The following CKAP5 variants were observed in gnomAD, a reference collection of about 807,000 sequenced individuals.
CKAP5 encodes the protein cytoskeleton-associated protein 5.
A neutral mutation model predicts 232.8 loss-of-function variants in CKAP5; 27 were observed. The observed-to-expected ratio is 0.12, with a 90% CI of 0.09 to 0.16. The LOEUF is 0.16. Ranked by LOEUF, CKAP5 falls within the 10% of genes least tolerant of loss-of-function variation. The pLI, the probability that CKAP5 is intolerant of heterozygous loss-of-function variation, is 1.00. For synonymous variants in CKAP5, 785 were observed against 841.1 expected, an observed-to-expected ratio of 0.93 and a Z score of 1.16; for missense variants, 1,838 against 2,424.7, an observed-to-expected ratio of 0.76 and a Z score of 5.08.
chr11:46,748,291 A>T (rs757034178), intron 42 of CKAP5, among the ~76,000 whole-genome samples: 2 of 152,196 alleles, frequency 1.3e-5, no homozygotes, highest in African/African-American at 2.4e-5. Context: ...GGAAGATAGT[A>T]CAGTAATACA....
At chr11:46,771,037 T>TGA in intron 24 of CKAP5, 55 bp from the exon 25 acceptor site, 1 of 1,472,778 alleles carries the variant, frequency 6.8e-7, no homozygotes, top group Non-Finnish European at 9.3e-7. Context: ...TGTTATCATT[T>TGA]ATGATCTCAG....
intron 42 of CKAP5, among the ~76,000 whole-genome samples, chr11:46,745,528 T>C (rs183790412): frequency 8.5e-5 from 13 of 152,306 alleles, no homozygotes; most frequent in Admixed American, 7.2e-4. Flanking sequence ...AAAAAGGGCT[T>C]TGGAAACAAG....
intron 1 of CKAP5, among the ~76,000 whole-genome samples, chr11:46,832,570 C>T (rs1202508538): frequency 2.6e-5 from 4 of 152,312 alleles, no homozygotes; most frequent in Non-Finnish European, 5.9e-5. Flanking sequence ...ATACCATCTT[C>T]ATGTTGCTCC....
chr11:46,776,191 A>G (rs751343301), intron 24 of CKAP5, 64 bp downstream of exon 24: 22 of 1,392,444 alleles, frequency 1.6e-5, no homozygotes, highest in Non-Finnish European at 2.2e-5. Flanking sequence ...TTTATCAGAC[A>G]GGCCCAAGCC....
chr11:46,786,967 A>G (rs778868870), intron 16 of CKAP5, among the ~76,000 whole-genome samples: 1 of 152,092 alleles, frequency 6.6e-6, no homozygotes, highest in Non-Finnish European at 1.5e-5. Context: ...CAAAATCACA[A>G]TGAGATTACA....
chr11:46,788,064 T>C (rs1318643582), intron 16 of CKAP5, among the ~76,000 whole-genome samples: 2 of 152,228 alleles, frequency 1.3e-5, no homozygotes, highest in East Asian at 1.9e-4. Flanking sequence ...AAGAATACAA[T>C]ATACAATACA....
intron 8 of CKAP5, among the ~76,000 whole-genome samples, chr11:46,805,757 G>A (rs570900840): frequency 6.6e-6 from 1 of 152,294 alleles, no homozygotes; most frequent in South Asian, 2.1e-4. Flanking sequence ...CCAACATGGT[G>A]AAACCCCGTC....
intron 1 of CKAP5, among the ~76,000 whole-genome samples, chr11:46,830,420 A>G (rs916392068): frequency 1.9e-4 from 28 of 143,944 alleles, no homozygotes; most frequent in Admixed American, 8.0e-4. Flanking sequence ...CAGCCTGGGC[A>G]ACAGAGCAAG....
At position 46,818,396 on chromosome 11, in the gene CKAP5, T is replaced by C; in HGVS notation, c.165A>G (p.Lys55=). Residue 55 remains lysine, a synonymous_variant, in exon 3 of 44, where the codon AAA becomes AAG. Coordinates refer to ENST00000529230, the MANE Select transcript of CKAP5 (RefSeq NM_001008938.4). ...EWSKFLGLIK[K]FVTDSNAVVQ... The stretch of plus-strand genomic sequence containing the variant: ...CCACTGCATTGGAATCAGTGACAAA[T>C]TTTTTGATCAATCCTAAAAATTTGG... 1 of 1,611,892 alleles carries C rather than the reference T, an allele frequency of 6.2e-7. No individual in the cohort carries two copies. Among genetic ancestry groups the C allele is most frequent in the Non-Finnish European group, 8.5e-7 (1 of 1,179,170 alleles).
rs748720496 is a variant in CKAP5 at position 46,751,550 on chromosome 11, TAA to T, written c.5134-18_5134-17del. On this transcript the variant is annotated splice_polypyrimidine_tract_variant and intron_variant, in intron 38 of 43. Transcript: ENST00000529230. ...TCCAGAGACACTATTGAAAAAAGAA[TAA>T]AAGAGTTAGGAGTGACTGAAGAATG... is the stretch of plus-strand genomic sequence containing the variant. The T allele has an allele frequency of 2.5e-6, 4 of 1,591,598 alleles. No individual in the cohort carries two copies. The highest frequency in any genetic ancestry group is 2.2e-5 in the East Asian group (1 of 44,710).
chr11:46,831,456 A>G (rs1335834026), intron 1 of CKAP5, among the ~76,000 whole-genome samples: 1 of 152,208 alleles, frequency 6.6e-6, no homozygotes, highest in East Asian at 1.9e-4. Flanking sequence ...TCATTATCCC[A>G]GCATTGCATA....
chr11:46,759,017 T>C lies in CKAP5; in HGVS notation c.4595A>G (p.Asp1532Gly). The C allele has an allele frequency of 1.2e-6, 2 of 1,613,294 alleles. No homozygotes were observed. Among genetic ancestry groups the C allele is most frequent in the Non-Finnish European group, 8.5e-7 (1 of 1,179,904 alleles). ...PKIRAVSPHF[D>G]DMHSNTASTI... ...GGATGCTGTATTACTGTGCATGTCA[T>C]CGAAGTGTGGAGAAACAGCCCGGAT... is the stretch of plus-strand genomic sequence containing the variant. The change falls in exon 35 of 44, where the codon GAT becomes GGT. Residue 1532 changes from aspartate (D) to glycine (G), a missense_variant. Coordinates refer to ENST00000529230, the MANE Select transcript of CKAP5 (RefSeq NM_001008938.4).
At chr11:46,779,694 A>C (rs1324048411) in intron 20 of CKAP5, among the ~76,000 whole-genome samples, 3 of 151,960 alleles carry the variant, frequency 2.0e-5, no homozygotes, top group Non-Finnish European at 4.4e-5. Context: ...AACATGGCTC[A>C]CTGGAGCCTC....
At chr11:46,771,118 A>G in intron 24 of CKAP5, 136 bp from the exon 25 acceptor site, 1 of 638,346 alleles carries the variant, frequency 1.6e-6, no homozygotes. Context: ...TGAAATCAGT[A>G]CTTTTCATAA....
At position 46,753,917 on chromosome 11, in the gene CKAP5, T is replaced by C. The variant is rs530657608; in HGVS notation, c.4870-420A>G. On this transcript the variant is annotated intron_variant, in intron 36 of 43. Transcript: ENST00000529230. ...ATGTTATATTTGTAAAAATTCAGAG[T>C]ATTAAAGAAAAAACAAAATCACCAC... is the stretch of plus-strand genomic sequence containing the variant. 3.3e-5 allele frequency among the ~76,000 whole-genome samples: 5 copies of C among 151,460 alleles called. No individual in the cohort carries two copies. In the East Asian group the frequency reaches 9.8e-4, roughly 30 times the overall value.
intron 15 of CKAP5, among the ~76,000 whole-genome samples, chr11:46,789,067 T>C (rs1407337696): frequency 6.6e-6 from 1 of 152,210 alleles, no homozygotes; most frequent in East Asian, 1.9e-4. Context: ...CCATGCAAAA[T>C]AATAGTTTTC....
chr11:46,794,652 A>AC (rs1250200093), intron 13 of CKAP5, among the ~76,000 whole-genome samples: 1 of 152,024 alleles, frequency 6.6e-6, no homozygotes, highest in Non-Finnish European at 1.5e-5. Flanking sequence ...AGCTTGGGCA[A>AC]CACAGCGAGG....
Position 46,809,423 on chromosome 11 carries a change from G to A in CKAP5, c.841C>T (p.Pro281Ser). The change falls in exon 7 of 44, where the codon CCC becomes TCC. Residue 281 changes from proline to serine, a missense_variant. Transcript: ENST00000529230. ...ACAATTTTGTCATAAAAGTCTTTGG[G>A]AAGTTTGGAAAGGATTTCTACAGCT... is the stretch of plus-strand genomic sequence containing the variant. ...LEAVEILSKL[P>S]KDFYDKIEAK... 6.2e-7 allele frequency: 1 copy of A among 1,609,114 alleles called. No homozygotes were observed. The highest frequency in any genetic ancestry group is 1.1e-5 in the South Asian group (1 of 90,112).
chr11:46,829,838 ATGTGTG>A (rs57602333), intron 1 of CKAP5, among the ~76,000 whole-genome samples: 3,593 of 143,082 alleles, frequency 0.025, 64 homozygotes, highest in African/African-American at 0.049. Flanking sequence ...CCTTTTTTGT[ATGTGTG>A]TGTGTGTGTG....
Sources: gnomAD v4.1 joint callset for allele counts (sites outside exome capture counted in the v4.1 genomes callset) on GRCh38, gnomAD v4.1.1 for gene constraint, MANE v1.5 for transcripts, NCBI Gene and HGNC (gene_info 2026-07-23, HGNC 2026-07-21) for gene names.